Variants in EFCAB8 observed in about 807,000 individuals in gnomAD.
EFCAB8 encodes the protein EF-hand calcium-binding domain-containing protein 8.
In EFCAB8, 100 loss-of-function variants were observed where a neutral mutation model predicts 116.3. The observed-to-expected ratio is 0.86, with a 90% CI of 0.73 to 1.02. The LOEUF is 1.02. Among genes scored for constraint, EFCAB8 ranks in the 50% least tolerant of loss-of-function variants. The pLI, the probability that EFCAB8 is intolerant of heterozygous loss-of-function variation, is 0.00. For missense variants in EFCAB8, 1,320 were observed against 1,416.9 expected (o/e 0.93, Z 1.10); for synonymous variants, 558 against 567.9 (o/e 0.98, Z 0.25).
chr20:32,927,799 G>T (rs1281374173), intron 20 of EFCAB8, among the ~76,000 whole-genome samples: 3 of 152,070 alleles, frequency 2.0e-5, no homozygotes, highest in Non-Finnish European at 4.4e-5. Context: ...TTGGTTCAGG[G>T]ATTCCTGTTT....
intron 1 of EFCAB8, among the ~76,000 whole-genome samples, chr20:32,862,677 G>A (rs1984172601): frequency 6.6e-6 from 1 of 152,100 alleles, no homozygotes; most frequent in Non-Finnish European, 1.5e-5. Flanking sequence ...GCCCAGGCTA[G>A]AGTACAATGG....
At chr20:32,958,957 A>T (rs1989055809) in intron 24 of EFCAB8, among the ~76,000 whole-genome samples, 1 of 152,130 alleles carries the variant, frequency 6.6e-6, no homozygotes, top group African/African-American at 2.4e-5. Context: ...CATTTGTGTT[A>T]TTTCCCTGAT....
At chr20:32,901,351 T>C (rs780102472) in intron 11 of EFCAB8, among the ~76,000 whole-genome samples, 1 of 152,224 alleles carries the variant, frequency 6.6e-6, no homozygotes, top group African/African-American at 2.4e-5. Flanking sequence ...AAAAGTCTCA[T>C]AATGTTATAA....
In EFCAB8 at chr20:32,908,299, G is replaced by C; in HGVS notation, c.1333G>C (p.Asp445His). ...DKNIRVWDML[D>H]YICLQSFCGK... ...GAATATTCGCGTGTGGGACATGCTGGACTACATATGCCTCCAGTCCTTCTG... is the reference window on the plus strand; with the variant it reads ...GAATATTCGCGTGTGGGACATGCTGCACTACATATGCCTCCAGTCCTTCTG... Residue 445 changes from aspartate to histidine, a missense_variant, in exon 14 of 27, where the codon GAC becomes CAC. Asp to His is a moderately conservative substitution (Grantham distance 81). Transcript: ENST00000400522. 8.0e-7 allele frequency: 1 copy of C among 1,249,872 alleles called. No individual in the cohort carries two copies. Among genetic ancestry groups the C allele is most frequent in the East Asian group, 3.2e-5 (1 of 31,688 alleles). 77.4% of individuals were successfully genotyped at this position (1,249,872 alleles called of 1,614,324 possible). A position where few individuals can be genotyped will look rare whatever the true frequency, so the allele number is the denominator to read the frequency against.
intron 11 of EFCAB8, among the ~76,000 whole-genome samples, chr20:32,902,962 A>G (rs1187282433): frequency 6.6e-6 from 1 of 152,124 alleles, no homozygotes; most frequent in Non-Finnish European, 1.5e-5. Flanking sequence ...CACTTCTGCC[A>G]CCACCACCTA....
At position 32,904,741 on chromosome 20, in the gene EFCAB8, G is replaced by A. The variant is rs746237822; in HGVS notation, c.1089-1821G>A. On this transcript the variant is annotated intron_variant, in intron 11 of 26. Transcript: ENST00000400522. Reference sequence around the variant, plus strand: ...TCCCAGGTCCAGGTGATTCTCCTGCGTCAGCCTCCTGAGTAGCTGGGATTA... The same window carrying A: ...TCCCAGGTCCAGGTGATTCTCCTGCATCAGCCTCCTGAGTAGCTGGGATTA... Among the ~76,000 whole-genome samples, 5 of 151,448 alleles carry A rather than the reference G, an allele frequency of 3.3e-5. No individual in the cohort carries two copies. In the East Asian group the frequency reaches 7.7e-4, roughly 23 times the overall value.
rs117268152 is a variant in EFCAB8 at position 32,897,137 on chromosome 20, T to C, written c.957+610T>C. 5.4e-3 allele frequency among the ~76,000 whole-genome samples: 817 copies of C among 152,212 alleles called. 2 individuals are homozygous for C. Among genetic ancestry groups the C allele is most frequent in the Non-Finnish European group, 8.7e-3 (589 of 68,002 alleles). On this transcript the variant is annotated intron_variant, in intron 10 of 26. Transcript: ENST00000400522. ...TCCCCTAAGGTACCTGTATTCCCCC[T>C]ATCTACTTCCTGTGGTCCCAAGCAG... is the stretch of plus-strand genomic sequence containing the variant.
chr20:32,929,582 T>A (rs1364394482), intron 20 of EFCAB8, among the ~76,000 whole-genome samples: 1 of 149,976 alleles, frequency 6.7e-6, no homozygotes, highest in African/African-American at 2.5e-5. Context: ...GCTCAAGTGA[T>A]TCACCCGCCT....
At chr20:32,868,656 G>A (rs1203867845) in intron 3 of EFCAB8, among the ~76,000 whole-genome samples, 3 of 152,120 alleles carry the variant, frequency 2.0e-5, no homozygotes, top group Non-Finnish European at 2.9e-5. Context: ...GGCTTAGCTG[G>A]CTTCTCTGTT....
rs1180036502 is a variant in EFCAB8, at chr20:32,958,505, G to T, written c.3044G>T (p.Gly1015Val). The T allele has an allele frequency of 4.8e-6, 2 of 416,682 alleles. No individual in the cohort carries two copies. The highest frequency in any genetic ancestry group is 8.8e-6 in the Non-Finnish European group (2 of 226,402). 25.8% of individuals were successfully genotyped at this position (416,682 alleles called of 1,614,324 possible). A position where few individuals can be genotyped will look rare whatever the true frequency, so the allele number is the denominator to read the frequency against. ...AACAGAGCAAGCTTAGAGGAAGATGGTGACTCCACTGGCACCACCCAGAAG... is the reference window on the plus strand; with the variant it reads ...AACAGAGCAAGCTTAGAGGAAGATGTTGACTCCACTGGCACCACCCAGAAG... ...RENRASLEED[G>V]DSTGTTQKVL... Residue 1015 changes from glycine to valine, a missense_variant, in exon 24 of 27, where the codon GGT becomes GTT. Coordinates refer to ENST00000400522, the MANE Select transcript of EFCAB8 (RefSeq NM_001143967.2).
At chr20:32,907,201 C>A in intron 13 of EFCAB8, 1 of 815,894 alleles carries the variant, frequency 1.2e-6, no homozygotes, top group Non-Finnish European at 1.5e-6. Context: ...TGGCTTCTAA[C>A]TTTGTGACCC....
At chr20:32,931,540 C>T (rs1183998420) in intron 22 of EFCAB8, among the ~76,000 whole-genome samples, 2 of 151,928 alleles carry the variant, frequency 1.3e-5, no homozygotes, top group Admixed American at 6.5e-5. Flanking sequence ...GGGTGGATCA[C>T]GAGGTCAGGA....
intron 23 of EFCAB8, among the ~76,000 whole-genome samples, chr20:32,950,863 C>G (rs145952258): frequency 2.0e-5 from 3 of 152,042 alleles, no homozygotes; most frequent in African/African-American, 7.3e-5. Context: ...TTAGAAGAGA[C>G]GTGATTTCCT....
rs1984505182 is a variant in EFCAB8 at position 32,867,872 on chromosome 20, GCT to G, written c.208+128_208+129del. 4 of 1,106,250 alleles carry G rather than the reference GCT, an allele frequency of 3.6e-6. 1 individual carries two copies. In the Admixed American group the frequency reaches 1.1e-4, roughly 31 times the overall value. The allele number at this position is 1,106,250 out of a possible 1,614,324, so 68.5% of individuals were successfully genotyped here. On this transcript the variant is annotated intron_variant, in intron 3 of 26. Coordinates refer to ENST00000400522, the MANE Select transcript of EFCAB8 (RefSeq NM_001143967.2). ...TTTTTTGTTTTTGAGACAGGATATT[GCT>G]CTGTCACCCAGTCTGGAGTGCAGTG...
chr20:32,892,848 C>CT (rs1451047946), intron 8 of EFCAB8, among the ~76,000 whole-genome samples: 3,771 of 104,716 alleles, frequency 0.036, 180 homozygotes, highest in African/African-American at 0.12. Context: ...TTTTTTTTTT[C>CT]TTTTTTTTAT....
intron 20 of EFCAB8, among the ~76,000 whole-genome samples, chr20:32,927,112 A>G (rs1987704939): frequency 6.6e-6 from 1 of 152,168 alleles, no homozygotes; most frequent in African/African-American, 2.4e-5. Context: ...AAAATTATAA[A>G]AAATTAGGTA....
intron 7 of EFCAB8, among the ~76,000 whole-genome samples, chr20:32,891,272 A>G (rs1255896807): frequency 1.3e-5 from 2 of 152,094 alleles, no homozygotes; most frequent in Non-Finnish European, 2.9e-5. Context: ...TTTGGTTGAA[A>G]AAAAAATATT....
At chr20:32,928,051 T>C (rs1987741329) in intron 20 of EFCAB8, among the ~76,000 whole-genome samples, 1 of 152,202 alleles carries the variant, frequency 6.6e-6, no homozygotes, top group Non-Finnish European at 1.5e-5. Context: ...TTTTGACTAT[T>C]CTACCTCATG....
At chr20:32,866,164 G>A (rs943030185) in intron 2 of EFCAB8, among the ~76,000 whole-genome samples, 1 of 152,198 alleles carries the variant, frequency 6.6e-6, no homozygotes, top group Non-Finnish European at 1.5e-5. Context: ...TATCCACAGT[G>A]CCTAGCACTC....
Sources: gnomAD v4.1 joint callset for allele counts (sites outside exome capture counted in the v4.1 genomes callset) on GRCh38, gnomAD v4.1.1 for gene constraint, MANE v1.5 for transcripts, NCBI Gene and HGNC (gene_info 2026-07-23, HGNC 2026-07-21) for gene names.